Variants in NUCB2 observed in about 807,000 individuals in gnomAD.
The protein encoded by NUCB2 is nucleobindin 2.
A neutral mutation model predicts 57.9 loss-of-function variants in NUCB2; 48 were observed. That is an observed-to-expected ratio of 0.83 (90% CI 0.66 to 1.05). The LOEUF is 1.05. Among genes scored for constraint, NUCB2 ranks in the 50% least tolerant of loss-of-function variants. The probability of loss-of-function intolerance (pLI) is 0.00; values close to 1 mark genes in which losing one functional copy is unlikely to be tolerated. For synonymous variants in NUCB2, 139 were observed against 152.1 expected (o/e 0.91, Z 0.64); for missense variants, 442 against 476.2 (o/e 0.93, Z 0.67).
At chr11:17,304,152 A>G (rs1466329073) in intron 5 of NUCB2, among the ~76,000 whole-genome samples, 1 of 152,018 alleles carries the variant, frequency 6.6e-6, no homozygotes, top group East Asian at 1.9e-4. Context: ...TGGAGGTACA[A>G]GCCAAAACAT....
In NUCB2 at chr11:17,296,163, T is replaced by C; in HGVS notation, c.204T>C (p.Asp68=). 6.2e-7 allele frequency: 1 copy of C among 1,612,272 alleles called. No homozygotes were observed. ...LKQVIDVLET[D]KHFREKLQKA... ...AAGTGATTGATGTGCTGGAAACAGATAAACACTTCAGAGAAAAGCTCCAGA... is the reference window on the plus strand; with the variant it reads ...AAGTGATTGATGTGCTGGAAACAGACAAACACTTCAGAGAAAAGCTCCAGA... Residue 68 remains aspartate (D), a synonymous_variant, in exon 4 of 14, where the codon GAT becomes GAC. Coordinates refer to ENST00000529010, the MANE Select transcript of NUCB2 (RefSeq NM_005013.4).
At chr11:17,331,303 T>A in intron 13 of NUCB2, 109 bp from the exon 14 acceptor site, 1 of 554,192 alleles carries the variant, frequency 1.8e-6, no homozygotes, top group Non-Finnish European at 3.1e-6. Context: ...AATTGTGATC[T>A]ATGATTAGCT....
At chr11:17,327,097 G>T (rs1565465431) in intron 11 of NUCB2, among the ~76,000 whole-genome samples, 1 of 152,076 alleles carries the variant, frequency 6.6e-6, no homozygotes, top group Non-Finnish European at 1.5e-5. Flanking sequence ...GTCTTGCTCT[G>T]TTACCCAGAC....
At chr11:17,318,987 G>GT (rs1949669619) in intron 11 of NUCB2, among the ~76,000 whole-genome samples, 3 of 152,002 alleles carry the variant, frequency 2.0e-5, no homozygotes, top group African/African-American at 7.3e-5. Context: ...TCTGGGCAAT[G>GT]TAATGAGACC....
chr11:17,288,924 CACACACACACACACACACACACACACAT>C (rs1565376644), intron 2 of NUCB2, among the ~76,000 whole-genome samples: 16 of 89,706 alleles, frequency 1.8e-4, no homozygotes, highest in East Asian at 7.7e-4. Flanking sequence ...CACACACACA[CACACACACACACACACACACACACACAT>C]ATATATATAT....
intron 2 of NUCB2, among the ~76,000 whole-genome samples, chr11:17,284,481 TTCAG>T (rs770719874): frequency 1.3e-5 from 2 of 152,238 alleles, no homozygotes; most frequent in Non-Finnish European, 2.9e-5. Context: ...ATTCTAAAGA[TTCAG>T]TCAATCTTTT....
intron 2 of NUCB2, among the ~76,000 whole-genome samples, chr11:17,338,814 C>G (rs1416649541): frequency 6.6e-6 from 1 of 151,924 alleles, no homozygotes; most frequent in African/African-American, 2.4e-5. Context: ...TAGGCATATG[C>G]CACCACACCT....
rs1951187445 is a variant in NUCB2 at position 17,330,015 on chromosome 11, C to T, written c.1003-112C>T. The T allele has an allele frequency of 1.9e-6, 1 of 518,538 alleles. No individual in the cohort carries two copies. Among genetic ancestry groups the T allele is most frequent in the Non-Finnish European group, 3.3e-6 (1 of 299,624 alleles). The allele number at this position is 518,538 out of a possible 1,614,324, so 32.1% of individuals were successfully genotyped here. A position where few individuals can be genotyped will look rare whatever the true frequency, so the allele number is the denominator to read the frequency against. On this transcript the variant is annotated intron_variant, in intron 11 of 13. Transcript: ENST00000529010. This position sits in a 1 kb window ranked among gnomAD's most constrained non-coding sequence, Gnocchi z 4.3. ...TCCCCTTCCTTCTTACCTCCAAAGG[C>T]GTAATCCTATAGATACTCTTTTATA...
At chr11:17,337,006 T>C (rs186555948), downstream of NUCB2, among the ~76,000 whole-genome samples, 172 of 152,110 alleles carry the variant, frequency 1.1e-3, no homozygotes, top group African/African-American at 3.7e-3. Context: ...AGTGGTGCCA[T>C]CATAACTCAC....
intron 11 of NUCB2, among the ~76,000 whole-genome samples, chr11:17,316,285 T>G (rs563931554): frequency 6.6e-6 from 1 of 152,204 alleles, no homozygotes; most frequent in South Asian, 2.1e-4. Context: ...TATTTATGTA[T>G]TTTTTAAAAT....
At chr11:17,336,833 A>G (rs1951857879), downstream of NUCB2, among the ~76,000 whole-genome samples, 1 of 151,830 alleles carries the variant, frequency 6.6e-6, no homozygotes, top group Admixed American at 6.6e-5. Flanking sequence ...TTTGTTTACA[A>G]CAGCATTATT....
chr11:17,288,726 C>T (rs1215916390), intron 2 of NUCB2, among the ~76,000 whole-genome samples: 6 of 149,166 alleles, frequency 4.0e-5, no homozygotes, highest in African/African-American at 7.4e-5. Flanking sequence ...GGCTAATTTT[C>T]ATATTTTTAG....
At chr11:17,290,366 A>G (rs1944717140) in intron 2 of NUCB2, among the ~76,000 whole-genome samples, 1 of 152,238 alleles carries the variant, frequency 6.6e-6, no homozygotes, top group South Asian at 2.1e-4. Flanking sequence ...ATGTACACAT[A>G]ACAAAGACTA....
At chr11:17,317,439 A>C (rs981090739) in intron 11 of NUCB2, 1 of 197,034 alleles carries the variant, frequency 5.1e-6, no homozygotes, top group Non-Finnish European at 1.1e-5. Flanking sequence ...TTATGTAATC[A>C]TAGTAAAATT....
At chr11:17,302,663 T>C (rs567132973) in intron 5 of NUCB2, among the ~76,000 whole-genome samples, 1 of 151,776 alleles carries the variant, frequency 6.6e-6, no homozygotes, top group African/African-American at 2.4e-5. Context: ...CTTGAACTCC[T>C]AGGGCTCAGG....
chr11:17,328,578 T>C (rs1212761816), intron 11 of NUCB2, among the ~76,000 whole-genome samples: 3 of 152,200 alleles, frequency 2.0e-5, no homozygotes, highest in Non-Finnish European at 2.9e-5. Flanking sequence ...CCTGTGGCCA[T>C]TACTACCACC....
intron 2 of NUCB2, among the ~76,000 whole-genome samples, chr11:17,344,830 A>G (rs1026310488): frequency 2.6e-5 from 4 of 152,208 alleles, no homozygotes; most frequent in African/African-American, 4.8e-5. Context: ...TTCTTCTGCT[A>G]TGGCTCTGGT....
At position 17,288,963 on chromosome 11, in the gene NUCB2, A is replaced by ATAT. The variant is rs753006566; in HGVS notation, c.-1+6021_-1+6022insATT. 9.5e-4 allele frequency among the ~76,000 whole-genome samples: 65 copies of ATAT among 68,094 alleles called. 6 individuals are homozygous for ATAT. Among genetic ancestry groups the ATAT allele is most frequent in the South Asian group, 1.6e-3 (3 of 1,846 alleles). 44.7% of individuals were successfully genotyped at this position (68,094 alleles called of 152,430 possible). A position where few individuals can be genotyped will look rare whatever the true frequency, so the allele number is the denominator to read the frequency against. ...CACACACACACACATATATATATAT[A>ATAT]TTTTTTTTTTTTGAGATGGAGTTTT... On this transcript the variant is annotated intron_variant, in intron 2 of 13. Coordinates refer to ENST00000529010, the MANE Select transcript of NUCB2 (RefSeq NM_005013.4).
At chr11:17,306,907 G>A (rs1190685006) in intron 5 of NUCB2, among the ~76,000 whole-genome samples, 9 of 139,926 alleles carry the variant, frequency 6.4e-5, no homozygotes, top group South Asian at 2.4e-4. Flanking sequence ...GTGAGACTCC[G>A]TCTCAAAAAA....
Sources: allele counts gnomAD v4.1 joint callset (sites outside exome capture counted in the v4.1 genomes callset), GRCh38; gene constraint gnomAD v4.1.1; non-coding constraint Gnocchi (gnomAD v3.1); transcripts MANE v1.5; gene names NCBI Gene and HGNC (gene_info 2026-07-23, HGNC 2026-07-21).